LAMC3: variants seen among roughly 807,000 people sequenced by gnomAD.
LAMC3 encodes the protein laminin subunit gamma 3, also known as laminin subunit gamma-3.
LAMC3 carries 128 observed loss-of-function variants against 173.8 expected under a neutral mutation model. That is an observed-to-expected ratio of 0.74 (90% confidence interval 0.64 to 0.85). LAMC3 has a LOEUF of 0.85. LAMC3 is among the 40% of genes least tolerant of loss of function. The pLI is 0.00. For synonymous variants in LAMC3, 897 were observed against 909.1 expected (o/e 0.99, Z 0.24); for missense variants, 2,022 against 2,156.0 (o/e 0.94, Z 1.23).
Position 131,072,725 on chromosome 9 carries a change from T to A in LAMC3, c.3307T>A (p.Cys1103Ser), listed in dbSNP as rs1830056623. Residue 1103 changes from cysteine to serine, a missense_variant, in exon 19 of 28, where the codon TGT becomes AGT. By Grantham distance (112) the Cys-to-Ser change is moderately radical (BLOSUM62 -1). Coordinates refer to ENST00000361069, the MANE Select transcript of LAMC3 (RefSeq NM_006059.4). ...GCAGAGGCTGAACAAGGGTGCCCGCTGTGCCCAGGCCGGATCCCAGAAGAC... is the reference window on the plus strand; with the variant it reads ...GCAGAGGCTGAACAAGGGTGCCCGCAGTGCCCAGGCCGGATCCCAGAAGAC... ...QLQRLNKGAR[C>S]AQAGSQKTCT... 1 of 1,612,614 alleles carries A rather than the reference T, an allele frequency of 6.2e-7. No individual in the cohort carries two copies. The highest frequency in any genetic ancestry group is 1.1e-5 in the South Asian group (1 of 90,708).
intron 1 of LAMC3, among the ~76,000 whole-genome samples, chr9:131,025,750 A>C (rs1022915039): frequency 1.3e-5 from 2 of 151,976 alleles, no homozygotes; most frequent in African/African-American, 4.8e-5. Context: ...GAGTTGGGAG[A>C]TGAGGCTGTG....
intron 6 of LAMC3, among the ~76,000 whole-genome samples, chr9:131,040,263 C>T (rs1330342266): frequency 2.6e-5 from 4 of 151,908 alleles, no homozygotes; most frequent in South Asian, 2.1e-4. Context: ...CTACAACCTC[C>T]GCCTCCCAGA....
chr9:131,019,978 A>C (rs1051197421), intron 1 of LAMC3, among the ~76,000 whole-genome samples: 2 of 152,044 alleles, frequency 1.3e-5, no homozygotes, highest in African/African-American at 4.8e-5. Context: ...CAAGAATGAC[A>C]CCGGGACAGT....
chr9:131,055,570 G>T (rs888271119), intron 11 of LAMC3, among the ~76,000 whole-genome samples: 2 of 150,906 alleles, frequency 1.3e-5, no homozygotes, highest in Non-Finnish European at 3.0e-5. Context: ...GACTACAGGC[G>T]CCCGCCACCA....
chr9:131,071,313 G>T (rs745336483), intron 17 of LAMC3, among the ~76,000 whole-genome samples, 171 bp from the exon 18 acceptor site: 1 of 152,142 alleles, frequency 6.6e-6, no homozygotes, highest in African/African-American at 2.4e-5. Context: ...CTACCATGGG[G>T]TGGGCAGGAT....
chr9:131,086,090 A>G (rs1420384310), intron 25 of LAMC3, among the ~76,000 whole-genome samples: 1 of 150,936 alleles, frequency 6.6e-6, no homozygotes, highest in Non-Finnish European at 1.5e-5. Context: ...TTTTTTCTTA[A>G]TTTTTTCAGA....
Position 131,026,331 on chromosome 9 carries a change from T to G in LAMC3, c.420T>G (p.Ser140Arg), listed in dbSNP as rs777468391. ...ATGTGAGGCTGAAGTTCCACACCAG[T>G]CGCCCTGAGAGCTTTGCCATCTACA... ...ITYVRLKFHT[S>R]RPESFAIYKR... is the part of the protein sequence containing the mutation. Residue 140 changes from serine to arginine, a missense_variant, in exon 2 of 28, where the codon AGT (serine) becomes AGG (arginine). Transcript: ENST00000361069. The surrounding 1 kb of genome is among the most constrained non-coding windows in gnomAD (Gnocchi z 4.8). 6 of 1,614,142 alleles carry G rather than the reference T, an allele frequency of 3.7e-6. No individual in the cohort carries two copies. The highest frequency in any genetic ancestry group is 5.1e-6 in the Non-Finnish European group (6 of 1,180,022).
intron 2 of LAMC3, among the ~76,000 whole-genome samples, chr9:131,027,745 G>A (rs911427604): frequency 1.3e-5 from 2 of 152,210 alleles, no homozygotes; most frequent in East Asian, 1.9e-4. Flanking sequence ...TGCGGTGCTT[G>A]GCACGTAGAG....
rs541132791 is a variant in LAMC3, at chr9:131,027,174, G to T, written c.678+585G>T. On this transcript the variant is annotated intron_variant, in intron 2 of 27. Coordinates refer to ENST00000361069, the MANE Select transcript of LAMC3 (RefSeq NM_006059.4). Reference sequence around the variant, plus strand: ...AGAGCCCTGTGGCTCCCAGGAGCCTGTGAGGGCTGTCAACCCACCTGGCCC... The same window carrying T: ...AGAGCCCTGTGGCTCCCAGGAGCCTTTGAGGGCTGTCAACCCACCTGGCCC... 6.8e-4 allele frequency among the ~76,000 whole-genome samples: 103 copies of T among 152,370 alleles called. No individual in the cohort carries two copies. The South Asian group carries it at 0.021, about 30-fold the overall frequency.
chr9:131,047,692 G>A (rs1025192389), intron 8 of LAMC3, among the ~76,000 whole-genome samples: 14 of 150,132 alleles, frequency 9.3e-5, no homozygotes, highest in African/African-American at 3.2e-4. Context: ...ACGAAACCCC[G>A]TCTCTGCTAA....
Position 131,052,482 on chromosome 9 carries a change from T to C in LAMC3, c.1631-9T>C, listed in dbSNP as rs755386300. 8.8e-5 allele frequency: 141 copies of C among 1,610,886 alleles called. No individual in the cohort carries two copies. The highest frequency in any genetic ancestry group is 1.7e-6 in the Non-Finnish European group (2 of 1,177,088). ...GAAGACTGTCAAAGCCTTCTTCTCT[T>C]GTCTTCAGAGAAGTTCCTGGGAGAC... On this transcript the variant is annotated splice_polypyrimidine_tract_variant and intron_variant, in intron 9 of 27. Transcript: ENST00000361069.
intron 13 of LAMC3, among the ~76,000 whole-genome samples, chr9:131,064,777 T>A (rs1244135536): frequency 6.6e-6 from 1 of 151,962 alleles, no homozygotes; most frequent in Non-Finnish European, 1.5e-5. Flanking sequence ...GGCTTACACC[T>A]GTAATCCCAG....
At chr9:131,080,263 A>C (rs1036736763) in intron 23 of LAMC3, 1 of 138,268 alleles carries the variant, frequency 7.2e-6, no homozygotes, top group Non-Finnish European at 1.5e-5. Flanking sequence ...GGTGTAAGCC[A>C]CCACACCCAG....
intron 7 of LAMC3, among the ~76,000 whole-genome samples, chr9:131,043,425 A>G (rs369015736): frequency 1.3e-5 from 2 of 152,328 alleles, no homozygotes; most frequent in East Asian, 1.9e-4. Context: ...GGCGTCTTAC[A>G]GTGCCAGGAA....
At position 131,049,087 on chromosome 9, in the gene LAMC3, G is replaced by C; in HGVS notation, c.1587G>C (p.Gly529=). The change falls in exon 9 of 28, where the codon GGG becomes GGC. Residue 529 remains glycine (G), a synonymous_variant. Transcript: ENST00000361069. Reference sequence around the variant, plus strand: ...ACCCCCCACAATGGAGCCCAAATGGGGTCCTCCTGAGCCCAGAAGACGAGG... The same window carrying C: ...ACCCCCCACAATGGAGCCCAAATGGCGTCCTCCTGAGCCCAGAAGACGAGG... ...SEHPPQWSPN[G]VLLSPEDEEE... is the part of the protein sequence containing the mutation. 6.4e-7 allele frequency: 1 copy of C among 1,552,360 alleles called. No individual in the cohort carries two copies. The highest frequency in any genetic ancestry group is 8.7e-7 in the Non-Finnish European group (1 of 1,147,294).
chr9:131,041,546 G>T, intron 6 of LAMC3, 91 bp from the exon 7 acceptor site: 1 of 1,115,448 alleles, frequency 9.0e-7, no homozygotes, highest in Non-Finnish European at 1.3e-6. Context: ...TCCTGATGTT[G>T]GCAGCAGGGA....
chr9:131,036,289 C>T lies in LAMC3; in HGVS notation c.933C>T (p.Arg311=). 1 of 1,613,230 alleles carries T rather than the reference C, an allele frequency of 6.2e-7. No individual in the cohort carries two copies. Among genetic ancestry groups the T allele is most frequent in the South Asian group, 1.1e-5 (1 of 91,060 alleles). ...GCTGCCTGCCCTTCTTCCAGGACCGCCCGTGGGCCCGGGGCACCGCCGAGG... is the reference window on the plus strand; with the variant it reads ...GCTGCCTGCCCTTCTTCCAGGACCGTCCGTGGGCCCGGGGCACCGCCGAGG... ...CERCLPFFQD[R]PWARGTAEAA... is the part of the protein sequence containing the mutation. Residue 311 remains arginine (R), a synonymous_variant, in exon 4 of 28, where the codon CGC becomes CGT. Coordinates refer to ENST00000361069, the MANE Select transcript of LAMC3 (RefSeq NM_006059.4).
At chr9:131,044,270 G>C (rs1288481042) in intron 7 of LAMC3, among the ~76,000 whole-genome samples, 1 of 151,500 alleles carries the variant, frequency 6.6e-6, no homozygotes, top group African/African-American at 2.4e-5. Flanking sequence ...CCAGCACTTT[G>C]GGAGGCCGAG....
intron 20 of LAMC3, among the ~76,000 whole-genome samples, chr9:131,074,699 G>GAAA (rs67374198): frequency 7.7e-6 from 1 of 129,652 alleles, no homozygotes. Flanking sequence ...CCATCTCAAA[G>GAAA]AAAAAAAAAA....
Sources: gnomAD v4.1 joint callset for allele counts (sites outside exome capture counted in the v4.1 genomes callset) on GRCh38, gnomAD v4.1.1 for gene constraint, Gnocchi (gnomAD v3.1) non-coding constraint, MANE v1.5 for transcripts, NCBI Gene and HGNC (gene_info 2026-07-23, HGNC 2026-07-21) for gene names.